The following GRXCR2 variants were observed in gnomAD, a reference collection of about 807,000 sequenced individuals.
GRXCR2 encodes the protein glutaredoxin and cysteine rich domain containing 2.
In GRXCR2, 23 loss-of-function variants were observed where a neutral mutation model predicts 24.8. The ratio of observed to expected loss-of-function variants is 0.93; its 90% CI spans 0.67 to 1.32. GRXCR2 has a LOEUF of 1.32. Among genes scored for constraint, GRXCR2 ranks in the 40% most tolerant of loss-of-function variants. The probability of loss-of-function intolerance (pLI) is 0.00; values close to 1 mark genes in which losing one functional copy is unlikely to be tolerated. For synonymous variants in GRXCR2, 130 were observed against 116.1 expected, an observed-to-expected ratio of 1.12 and a Z score of -0.77; for missense variants, 315 against 303.4, an observed-to-expected ratio of 1.04 and a Z score of -0.28.
At chr5:145,870,808 A>G (rs76522997) in intron 1 of GRXCR2, among the ~76,000 whole-genome samples, 1,739 of 152,304 alleles carry the variant, frequency 0.011, 44 homozygotes, top group African/African-American at 0.04. Context: ...GCACTTGATC[A>G]GGAAACAAAG....
intron 1 of GRXCR2, among the ~76,000 whole-genome samples, chr5:145,871,092 A>G (rs1756523896): frequency 6.6e-6 from 1 of 152,144 alleles, no homozygotes; most frequent in Admixed American, 6.6e-5. Context: ...AAAAAATTAT[A>G]CATTTTCATA....
intron 2 of GRXCR2, among the ~76,000 whole-genome samples, chr5:145,885,105 G>C (rs554048726): frequency 8.6e-5 from 13 of 151,150 alleles, no homozygotes; most frequent in Non-Finnish European, 1.6e-4. Context: ...GTCTGTGTGT[G>C]TGTGTGTGTG....
intron 2 of GRXCR2, among the ~76,000 whole-genome samples, chr5:145,912,338 T>G (rs1199444166): frequency 6.6e-6 from 1 of 151,510 alleles, no homozygotes; most frequent in Non-Finnish European, 1.5e-5. Context: ...AAAAAGGGGG[T>G]TCTTAGCCCT....
rs1425248103 is a variant in GRXCR2, at chr5:145,872,925, T to G, written c.44A>C (p.Lys15Thr). The stretch of plus-strand genomic sequence containing the variant: ...GATTTTAAATCGTACTTTCCGGGGT[T>G]TGCCATCACTCTTCTGATTCAGCTT... ...EKKLNQKSDGKPRKVRFKISS... is the reference protein window; with the variant it reads ...EKKLNQKSDGTPRKVRFKISS... The change falls in exon 1 of 3, where the codon AAA becomes ACA. Residue 15 changes from lysine to threonine, a missense_variant. Physicochemically the swap from Lys to Thr is moderately conservative, Grantham distance 78. Transcript: ENST00000377976. 6.2e-7 allele frequency: 1 copy of G among 1,614,198 alleles called. No individual in the cohort carries two copies. The highest frequency in any genetic ancestry group is 8.5e-7 in the Non-Finnish European group (1 of 1,180,012).
At chr5:145,885,147 A>G (rs1211303046) in intron 2 of GRXCR2, among the ~76,000 whole-genome samples, 1 of 149,838 alleles carries the variant, frequency 6.7e-6, no homozygotes, top group African/African-American at 2.5e-5. Flanking sequence ...GTCTGTGTGT[A>G]TTTAAACTCC....
At chr5:145,879,969 GA>G (rs1347316077) in intron 2 of GRXCR2, among the ~76,000 whole-genome samples, 2 of 152,270 alleles carry the variant, frequency 1.3e-5, no homozygotes, top group East Asian at 1.9e-4. Flanking sequence ...AATGAAGGCA[GA>G]AATAAAGATG....
chr5:145,863,979 AC>A (rs1756385495), intron 2 of GRXCR2, among the ~76,000 whole-genome samples: 1 of 152,210 alleles, frequency 6.6e-6, no homozygotes, highest in Admixed American at 6.5e-5. Context: ...CCCAGCATAA[AC>A]ATGGCCAGGC....
chr5:145,876,372 G>A (rs1211929465), upstream of GRXCR2, among the ~76,000 whole-genome samples: 1 of 150,434 alleles, frequency 6.6e-6, no homozygotes, highest in Non-Finnish European at 1.5e-5. Context: ...TGCCTCCTGG[G>A]CTCAAGCAAT....
At chr5:145,866,069 G>C (rs1196721153) in intron 2 of GRXCR2, among the ~76,000 whole-genome samples, 1 of 151,176 alleles carries the variant, frequency 6.6e-6, no homozygotes, top group Non-Finnish European at 1.5e-5. Context: ...AGGAGACAGA[G>C]GTTGCAGTGA....
At chr5:145,925,412 T>C (rs73310112) in intron 2 of GRXCR2, among the ~76,000 whole-genome samples, 3,050 of 152,310 alleles carry the variant, frequency 0.02, 75 homozygotes, top group African/African-American at 0.059. Flanking sequence ...GCCTGGGAAG[T>C]ACTTGTTACT....
chr5:145,864,875 G>T (rs1756401900), intron 2 of GRXCR2, among the ~76,000 whole-genome samples: 1 of 152,186 alleles, frequency 6.6e-6, no homozygotes, highest in African/African-American at 2.4e-5. Context: ...GTGGGGGCAG[G>T]TTGGAAAGGT....
chr5:145,891,815 G>A (rs1756868945), intron 2 of GRXCR2, among the ~76,000 whole-genome samples: 2 of 152,174 alleles, frequency 1.3e-5, no homozygotes, highest in African/African-American at 4.8e-5. Flanking sequence ...CTGGATATCT[G>A]AAAAAGGACA....
In GRXCR2 at chr5:145,859,825, G is replaced by A. The variant is rs535371236; in HGVS notation, c.655C>T (p.Leu219=). 6.2e-7 allele frequency: 1 copy of A among 1,613,756 alleles called. No homozygotes were observed. The highest frequency in any genetic ancestry group is 8.5e-7 in the Non-Finnish European group (1 of 1,179,852). The change falls in exon 3 of 3, where the codon CTG becomes TTG. Residue 219 remains leucine, a synonymous_variant. Coordinates refer to ENST00000377976, the MANE Select transcript of GRXCR2 (RefSeq NM_001080516.2). Reference sequence around the variant, plus strand: ...TAGGACTCCTTAAATCTGTTGGCCAGCATCGAGAACTTGCTGCCGTGGCAC... The same window carrying A: ...TAGGACTCCTTAAATCTGTTGGCCAACATCGAGAACTTGCTGCCGTGGCAC... ...SLCHGSKFSM[L]ANRFKESYRA... is the part of the protein sequence containing the mutation.
chr5:145,930,062 T>TTATTTATTTATA (rs1757458732), intron 2 of GRXCR2, among the ~76,000 whole-genome samples: 1 of 151,898 alleles, frequency 6.6e-6, no homozygotes, highest in South Asian at 2.1e-4. Flanking sequence ...GGGCTAGTCT[T>TTATTTATTTATA]TATTTATTTA....
chr5:145,929,061 T>C (rs904043174), intron 2 of GRXCR2, among the ~76,000 whole-genome samples: 1 of 151,482 alleles, frequency 6.6e-6, no homozygotes, highest in Non-Finnish European at 1.5e-5. Flanking sequence ...CTTTATATTA[T>C]ATATATGTAT....
chr5:145,887,698 A>G (rs559235103), intron 2 of GRXCR2, among the ~76,000 whole-genome samples: 1 of 152,312 alleles, frequency 6.6e-6, no homozygotes, highest in East Asian at 1.9e-4. Flanking sequence ...TAGCTTTGAT[A>G]TACAGCACAT....
intron 2 of GRXCR2, among the ~76,000 whole-genome samples, chr5:145,909,155 T>A (rs1757129796): frequency 6.6e-6 from 1 of 152,186 alleles, no homozygotes; most frequent in Admixed American, 6.5e-5. Flanking sequence ...ACACAGCACA[T>A]CATACTCAAC....
chr5:145,901,607 G>A (rs1284350092), intron 2 of GRXCR2, among the ~76,000 whole-genome samples: 1 of 152,082 alleles, frequency 6.6e-6, no homozygotes, highest in African/African-American at 2.4e-5. Context: ...AAAGGGGATT[G>A]GGAGTACTAA....
intron 2 of GRXCR2, among the ~76,000 whole-genome samples, chr5:145,898,088 G>C (rs1296088704): frequency 6.6e-6 from 1 of 151,900 alleles, no homozygotes; most frequent in Admixed American, 6.6e-5. Flanking sequence ...CAGAGAGAAA[G>C]AGAGAGAATA....
Sources: allele counts gnomAD v4.1 joint callset (sites outside exome capture counted in the v4.1 genomes callset), GRCh38; gene constraint gnomAD v4.1.1; transcripts MANE v1.5; gene names NCBI Gene and HGNC (gene_info 2026-07-23, HGNC 2026-07-21).